The following CPLX3 variants were observed in gnomAD, a reference collection of about 807,000 sequenced individuals.
CPLX3 encodes the protein complexin-3.
A neutral mutation model predicts 17.2 loss-of-function variants in CPLX3; 12 were observed. That is an observed-to-expected ratio of 0.70 (90% CI 0.45 to 1.13). The LOEUF is 1.13. Among genes scored for constraint, CPLX3 ranks in the 50% most tolerant of loss-of-function variants. The pLI is 0.00. For synonymous variants in CPLX3, 75 were observed against 79.4 expected, an observed-to-expected ratio of 0.94 and a Z score of 0.29; for missense variants, 172 against 203.2, an observed-to-expected ratio of 0.85 and a Z score of 0.93.
chr15:74,831,599 G>A lies in CPLX3; in HGVS notation c.*1245G>A, dbSNP rs935239836. 3.3e-5 allele frequency: 5 copies of A among 152,144 alleles called. No individual in the cohort carries two copies. Among genetic ancestry groups the A allele is most frequent in the African/African-American group, 1.2e-4 (5 of 41,390 alleles). The allele number at this position is 152,144 out of a possible 1,614,324, so 9.4% of individuals were successfully genotyped here. Reference sequence around the variant, plus strand: ...GAGACGGAAGATGTGCAAAAAGAAAGAAGGAAGGGCAACTGCATTCCAGCC... The same window carrying A: ...GAGACGGAAGATGTGCAAAAAGAAAAAAGGAAGGGCAACTGCATTCCAGCC... On this transcript the variant is annotated 3_prime_UTR_variant, in exon 3 of 3. Coordinates refer to ENST00000395018, the MANE Select transcript of CPLX3 (RefSeq NM_001030005.3).
Position 74,828,038 on chromosome 15 carries a change from G to T in CPLX3, c.169G>T (p.Glu57Ter), listed in dbSNP as rs1226094918. 3.1e-6 allele frequency: 5 copies of T among 1,605,716 alleles called. No individual in the cohort carries two copies. The highest frequency in any genetic ancestry group is 3.4e-6 in the Non-Finnish European group (4 of 1,176,024). The change falls in exon 2 of 3, where the codon GAG (glutamate) becomes TAG (stop). Residue 57 changes from glutamate to a stop codon, truncating the protein, a stop_gained. Coordinates refer to ENST00000395018, the MANE Select transcript of CPLX3 (RefSeq NM_001030005.3). LOFTEE classifies it high-confidence loss of function. ...YQKQLVEEKM[E>*]RDAQFTQRKA... The stretch of plus-strand genomic sequence containing the variant: ...CTGCCTCCGGTGACCCTGCAGGATG[G>T]AGCGGGATGCACAGTTCACACAGAG...
In CPLX3 at chr15:74,826,914, C is replaced by G; in HGVS notation, c.164+47C>G. ...CTCCAACGACCTCCCCTCCCCACCCCCACAGCTGCTCAGTCCATCCCCGGG... is the reference window on the plus strand; with the variant it reads ...CTCCAACGACCTCCCCTCCCCACCCGCACAGCTGCTCAGTCCATCCCCGGG... On this transcript the variant is annotated intron_variant, in intron 1 of 2. Transcript: ENST00000395018. This position sits in a 1 kb window ranked among gnomAD's most constrained non-coding sequence, Gnocchi z 5.0. 1 of 1,544,788 alleles carries G rather than the reference C, an allele frequency of 6.5e-7. No individual in the cohort carries two copies. The highest frequency in any genetic ancestry group is 8.8e-7 in the Non-Finnish European group (1 of 1,134,750).
Position 74,830,393 on chromosome 15 carries a change from G to T in CPLX3, c.*39G>T, listed in dbSNP as rs750148517. The T allele has an allele frequency of 3.3e-6, 5 of 1,525,974 alleles. No homozygotes were observed. The East Asian group carries it at 1.2e-4, about 36-fold the overall frequency. 94.5% of individuals were successfully genotyped at this position (1,525,974 alleles called of 1,614,324 possible). A position where few individuals can be genotyped will look rare whatever the true frequency, so the allele number is the denominator to read the frequency against. ...GTTACCCACTGGGCTGGGCCCCCAT[G>T]AGGGCTAAGAGTGTGTCAACTTCCA... On this transcript the variant is annotated 3_prime_UTR_variant, in exon 3 of 3. Coordinates refer to ENST00000395018, the MANE Select transcript of CPLX3 (RefSeq NM_001030005.3).
intron 1 of CPLX3, among the ~76,000 whole-genome samples, chr15:74,827,142 G>T (rs1005089583): frequency 6.6e-6 from 1 of 152,216 alleles, no homozygotes; most frequent in African/African-American, 2.4e-5. Flanking sequence ...GGGGGTGCAC[G>T]TGCGTTTCTG....
chr15:74,830,111 C>A lies in CPLX3; in HGVS notation c.253-19C>A, dbSNP rs767054980. 38 of 1,606,796 alleles carry A rather than the reference C, an allele frequency of 2.4e-5. No individual in the cohort carries two copies. Among genetic ancestry groups the A allele is most frequent in the Non-Finnish European group, 3.1e-5 (36 of 1,174,230 alleles). On this transcript the variant is annotated intron_variant, in intron 2 of 2. Transcript: ENST00000395018. The stretch of plus-strand genomic sequence containing the variant: ...AGACTTCCACTCCACCCCACCCCCT[C>A]TTCCCCTCTTCCCTTCAGAACGAGA...
chr15:74,827,908 T>C, intron 1 of CPLX3, 126 bp from the exon 2 acceptor site: 1 of 747,608 alleles, frequency 1.3e-6, no homozygotes, highest in Non-Finnish European at 2.3e-6. Flanking sequence ...GTTGGAGCGC[T>C]TTTGCTACAC....
chr15:74,830,134 A>G lies in CPLX3; in HGVS notation c.257A>G (p.Glu86Gly). Reference sequence around the variant, plus strand: ...CTCTTCCCCTCTTCCCTTCAGAACGAGACAGATGAGAGCCAGATCCAGATG... The same window carrying G: ...CTCTTCCCCTCTTCCCTTCAGAACGGGACAGATGAGAGCCAGATCCAGATG... Reference protein sequence around the residue: ...FRDKYRLPKNETDESQIQMAG... With the variant: ...FRDKYRLPKNGTDESQIQMAG... The change falls in exon 3 of 3, where the codon GAG (glutamate) becomes GGG (glycine). Residue 86 changes from glutamate (E) to glycine (G), a missense_variant. Coordinates refer to ENST00000395018, the MANE Select transcript of CPLX3 (RefSeq NM_001030005.3). The G allele has an allele frequency of 6.2e-7, 1 of 1,613,452 alleles. No individual in the cohort carries two copies. Among genetic ancestry groups the G allele is most frequent in the Non-Finnish European group, 8.5e-7 (1 of 1,179,778 alleles).
chr15:74,831,369 G>C lies in CPLX3; in HGVS notation c.*1015G>C, dbSNP rs2063968528. 1 of 152,374 alleles carries C rather than the reference G, an allele frequency of 6.6e-6. No homozygotes were observed. The highest frequency in any genetic ancestry group is 6.5e-5 in the Admixed American group (1 of 15,280). 9.4% of individuals were successfully genotyped at this position (152,374 alleles called of 1,614,324 possible). A position where few individuals can be genotyped will look rare whatever the true frequency, so the allele number is the denominator to read the frequency against. On this transcript the variant is annotated 3_prime_UTR_variant, in exon 3 of 3. Transcript: ENST00000395018. ...GAGAAGGCATCCAGTGCTAGGAGTA[G>C]AAGTGTCTCCAGCTCTGTTCTCTTG...
At position 74,830,462 on chromosome 15, in the gene CPLX3, C is replaced by A; in HGVS notation, c.*108C>A. 4 of 924,674 alleles carry A rather than the reference C, an allele frequency of 4.3e-6. No individual in the cohort carries two copies. Among genetic ancestry groups the A allele is most frequent in the African/African-American group, 1.6e-5 (1 of 61,060 alleles). The allele number at this position is 924,674 out of a possible 1,614,324, so 57.3% of individuals were successfully genotyped here. On this transcript the variant is annotated 3_prime_UTR_variant, in exon 3 of 3. Coordinates refer to ENST00000395018, the MANE Select transcript of CPLX3 (RefSeq NM_001030005.3). ...GGGGCTTTGTTTCCCTTGCCCCATC[C>A]TAGTTCCAAGACCTTTCCCATCCAT... is the stretch of plus-strand genomic sequence containing the variant.
chr15:74,828,198 A>G (rs1178196700), intron 2 of CPLX3, 77 bp downstream of exon 2: 19 of 1,118,726 alleles, frequency 1.7e-5, no homozygotes, highest in Non-Finnish European at 2.4e-5. Flanking sequence ...CATTCTGGGC[A>G]CCACAGCCCT....
At chr15:74,829,543 C>T (rs1358970999) in intron 2 of CPLX3, among the ~76,000 whole-genome samples, 1 of 152,134 alleles carries the variant, frequency 6.6e-6, no homozygotes, top group African/African-American at 2.4e-5. Context: ...AATAACAATA[C>T]CTACCTACCT....
At chr15:74,830,104 A>T in intron 2 of CPLX3, 26 bp from the exon 3 acceptor site, 4 of 1,592,922 alleles carry the variant, frequency 2.5e-6, no homozygotes, top group Non-Finnish European at 3.4e-6. Flanking sequence ...ACTCCACCCC[A>T]CCCCCTCTTC....
At position 74,830,474 on chromosome 15, in the gene CPLX3, C is replaced by A; in HGVS notation, c.*120C>A. On this transcript the variant is annotated 3_prime_UTR_variant, in exon 3 of 3. Coordinates refer to ENST00000395018, the MANE Select transcript of CPLX3 (RefSeq NM_001030005.3). ...CCCTTGCCCCATCCTAGTTCCAAGACCTTTCCCATCCATGCCCCAAGCCTA... is the reference window on the plus strand; with the variant it reads ...CCCTTGCCCCATCCTAGTTCCAAGAACTTTCCCATCCATGCCCCAAGCCTA... 1.3e-6 allele frequency: 1 copy of A among 780,906 alleles called. No homozygotes were observed. The highest frequency in any genetic ancestry group is 2.1e-6 in the Non-Finnish European group (1 of 483,644). The allele number at this position is 780,906 out of a possible 1,614,324, so 48.4% of individuals were successfully genotyped here. A position where few individuals can be genotyped will look rare whatever the true frequency, so the allele number is the denominator to read the frequency against.
Position 74,826,778 on chromosome 15 carries a change from T to G in CPLX3, c.75T>G (p.Asp25Glu). 1 of 1,607,030 alleles carries G rather than the reference T, an allele frequency of 6.2e-7. No individual in the cohort carries two copies. The highest frequency in any genetic ancestry group is 2.3e-5 in the East Asian group (1 of 43,630). The change falls in exon 1 of 3, where the codon GAT becomes GAG. Residue 25 changes from aspartate (D) to glutamate (E), a missense_variant. Transcript: ENST00000395018. This position sits in a 1 kb window ranked among gnomAD's most constrained non-coding sequence, Gnocchi z 5.0. ...NLTGSLGGGEDKGDGDKSAAE... is the reference protein window; with the variant it reads ...NLTGSLGGGEEKGDGDKSAAE... ...CTGGGAGCCTGGGAGGCGGCGAGGATAAGGGAGATGGGGACAAGTCGGCAG... is the reference window on the plus strand; with the variant it reads ...CTGGGAGCCTGGGAGGCGGCGAGGAGAAGGGAGATGGGGACAAGTCGGCAG...
chr15:74,826,983 C>A lies in CPLX3; in HGVS notation c.164+116C>A. 4 of 933,540 alleles carry A rather than the reference C, an allele frequency of 4.3e-6. No individual in the cohort carries two copies. Among genetic ancestry groups the A allele is most frequent in the Non-Finnish European group, 6.4e-6 (4 of 629,252 alleles). 57.8% of individuals were successfully genotyped at this position (933,540 alleles called of 1,614,324 possible). ...CCCTTCTCCCCTACTTTCCTAGACA[C>A]GGTAAGAGACCGGGAGGTGTCCTCT... On this transcript the variant is annotated intron_variant, in intron 1 of 2. Coordinates refer to ENST00000395018, the MANE Select transcript of CPLX3 (RefSeq NM_001030005.3). The surrounding 1 kb of genome is among the most constrained non-coding windows in gnomAD (Gnocchi z 5.0).
At chr15:74,827,923 G>A (rs1362075490) in intron 1 of CPLX3, 111 bp from the exon 2 acceptor site, 3 of 851,818 alleles carry the variant, frequency 3.5e-6, no homozygotes, top group Non-Finnish European at 5.7e-6. Flanking sequence ...CTACACACAG[G>A]GACCAATGCA....
intron 1 of CPLX3, among the ~76,000 whole-genome samples, chr15:74,827,414 CT>C (rs1257572204): frequency 6.6e-6 from 1 of 152,218 alleles, no homozygotes; most frequent in Non-Finnish European, 1.5e-5. Context: ...AGGCAAGTTA[CT>C]TAACCTTTCT....
intron 2 of CPLX3, among the ~76,000 whole-genome samples, chr15:74,829,552 C>T (rs1165542428): frequency 6.6e-6 from 1 of 152,128 alleles, no homozygotes; most frequent in Non-Finnish European, 1.5e-5. Flanking sequence ...ACCTACCTAC[C>T]TCACAGGGTT....
chr15:74,830,497 C>A lies in CPLX3; in HGVS notation c.*143C>A. 1 of 681,598 alleles carries A rather than the reference C, an allele frequency of 1.5e-6. No homozygotes were observed. Among genetic ancestry groups the A allele is most frequent in the African/African-American group, 1.8e-5 (1 of 55,730 alleles). The allele number at this position is 681,598 out of a possible 1,614,324, so 42.2% of individuals were successfully genotyped here. ...GACCTTTCCCATCCATGCCCCAAGC[C>A]TATCTTCTGGTTTCTTCCTCTCCGC... On this transcript the variant is annotated 3_prime_UTR_variant, in exon 3 of 3. Coordinates refer to ENST00000395018, the MANE Select transcript of CPLX3 (RefSeq NM_001030005.3).
Sources: gnomAD v4.1 joint callset for allele counts (sites outside exome capture counted in the v4.1 genomes callset) on GRCh38, gnomAD v4.1.1 for gene constraint, Gnocchi (gnomAD v3.1) non-coding constraint, MANE v1.5 for transcripts, NCBI Gene and HGNC (gene_info 2026-07-23, HGNC 2026-07-21) for gene names.